Variants in MCTP1 observed in about 807,000 individuals in gnomAD.
MCTP1 encodes the protein multiple C2 and transmembrane domain containing 1.
In MCTP1, 69 loss-of-function variants were observed where a neutral mutation model predicts 120.6. The ratio of observed to expected loss-of-function variants is 0.57; its 90% CI spans 0.47 to 0.70. The LOEUF is 0.70. Ranked by LOEUF, MCTP1 falls within the 30% of genes least tolerant of loss-of-function variation. The pLI is 0.00. For missense variants in MCTP1, 1,203 were observed against 1,248.8 expected, an observed-to-expected ratio of 0.96 and a Z score of 0.55; for synonymous variants, 529 against 493.1, an observed-to-expected ratio of 1.07 and a Z score of -0.96.
intron 17 of MCTP1, among the ~76,000 whole-genome samples, chr5:94,817,427 CAA>C (rs1784698208): frequency 6.6e-6 from 1 of 151,904 alleles, no homozygotes; most frequent in South Asian, 2.1e-4. Flanking sequence ...AACAAACAAA[CAA>C]ACAAACAAAC....
intron 3 of MCTP1, among the ~76,000 whole-genome samples, chr5:94,945,317 C>T (rs913725786): frequency 2.0e-5 from 3 of 152,110 alleles, no homozygotes; most frequent in Admixed American, 6.6e-5. Context: ...TTTAAAACAA[C>T]AAATTCACCT....
chr5:94,948,582 G>A (rs1482097360), intron 3 of MCTP1, among the ~76,000 whole-genome samples: 1 of 152,090 alleles, frequency 6.6e-6, no homozygotes, highest in Admixed American at 6.5e-5. Flanking sequence ...CTTGGTTTGG[G>A]TGCTCTATGG....
chr5:95,094,615 T>C (rs1756085822), intron 1 of MCTP1, among the ~76,000 whole-genome samples: 1 of 152,208 alleles, frequency 6.6e-6, no homozygotes, highest in Non-Finnish European at 1.5e-5. Flanking sequence ...AAAACACCTT[T>C]GACTAAGGAA....
chr5:95,103,087 TAAC>T (rs1291857234), intron 1 of MCTP1, among the ~76,000 whole-genome samples: 1 of 151,944 alleles, frequency 6.6e-6, no homozygotes, highest in African/African-American at 2.4e-5. Context: ...AATATATACT[TAAC>T]AAAGACTGTT....
Position 95,089,538 on chromosome 5 carries a change from C to T in MCTP1, c.721-72054G>A, listed in dbSNP as rs117595265. On this transcript the variant is annotated intron_variant, in intron 1 of 22. Coordinates refer to ENST00000515393, the MANE Select transcript of MCTP1 (RefSeq NM_024717.7). Reference sequence around the variant, plus strand: ...ATTGGGTAAAAATAACACCTTATGACTCATATTTTAAATGTGAAGCGAAGT... The same window carrying T: ...ATTGGGTAAAAATAACACCTTATGATTCATATTTTAAATGTGAAGCGAAGT... Among the ~76,000 whole-genome samples, 46 of 152,222 alleles carry T rather than the reference C, an allele frequency of 3.0e-4. No homozygotes were observed. In the East Asian group the frequency reaches 6.8e-3, roughly 22 times the overall value.
In MCTP1 at chr5:95,017,445, G is replaced by A. The variant is rs922235415; in HGVS notation, c.760C>T (p.Pro254Ser). The part of the protein sequence containing the change: ...NTAGTSNAEV[P>S]LADPGMYQLD... ...TGGTACATTCCGGGATCAGCCAAGG[G>A]GACTTCTGCATTACTGGTTCCAGCA... Residue 254 changes from proline to serine, a missense_variant, in exon 2 of 23, where the codon CCC (proline) becomes TCC (serine). Coordinates refer to ENST00000515393, the MANE Select transcript of MCTP1 (RefSeq NM_024717.7). 6.2e-7 allele frequency: 1 copy of A among 1,609,720 alleles called. No individual in the cohort carries two copies. The highest frequency in any genetic ancestry group is 8.5e-7 in the Non-Finnish European group (1 of 1,177,464).
chr5:95,079,166 G>C (rs73140034), intron 1 of MCTP1, among the ~76,000 whole-genome samples: 14 of 151,970 alleles, frequency 9.2e-5, no homozygotes, highest in Admixed American at 7.2e-4. Flanking sequence ...TTTATCTCAG[G>C]GGGGATAAGC....
intron 1 of MCTP1, among the ~76,000 whole-genome samples, chr5:95,262,855 T>C (rs1758581650): frequency 6.6e-6 from 1 of 152,222 alleles, no homozygotes; most frequent in Admixed American, 6.5e-5. Context: ...TTATTCTATA[T>C]ACTACATTAA....
intron 18 of MCTP1, among the ~76,000 whole-genome samples, chr5:94,787,640 G>A (rs1484421484): frequency 5.4e-5 from 8 of 146,828 alleles, no homozygotes; most frequent in Non-Finnish European, 1.0e-4. Flanking sequence ...TTTTTGAGAC[G>A]GCGTCTCCCT....
intron 19 of MCTP1, among the ~76,000 whole-genome samples, chr5:94,751,439 A>C (rs1768286898): frequency 6.6e-6 from 1 of 151,636 alleles, no homozygotes; most frequent in South Asian, 2.1e-4. Context: ...CATGAAGAAA[A>C]AAAATTCTAA....
intron 18 of MCTP1, among the ~76,000 whole-genome samples, chr5:94,796,467 C>A (rs1780024569): frequency 6.6e-6 from 1 of 151,026 alleles, no homozygotes; most frequent in African/African-American, 2.4e-5. Flanking sequence ...CGGGAAAATA[C>A]CATACTTCCA....
chr5:94,755,422 C>G (rs528805885), intron 19 of MCTP1, among the ~76,000 whole-genome samples: 1 of 152,248 alleles, frequency 6.6e-6, no homozygotes, highest in South Asian at 2.1e-4. Flanking sequence ...CTCTCTTTCC[C>G]CGCTTCAGAA....
chr5:95,141,135 TC>T lies in MCTP1; in HGVS notation c.721-123652del, dbSNP rs376792132. Among the ~76,000 whole-genome samples the T allele has an allele frequency of 4.3e-3, 648 of 152,316 alleles. 2 individuals are homozygous for T. The highest frequency in any genetic ancestry group is 0.015 in the African/African-American group (620 of 41,572). On this transcript the variant is annotated intron_variant, in intron 1 of 22. Coordinates refer to ENST00000515393, the MANE Select transcript of MCTP1 (RefSeq NM_024717.7). ...GGGTTATACTGATTTGAAACTTTTTTCACTTCAGCTTACTCAGGCTTATTAA... is the reference window on the plus strand; with the variant it reads ...GGGTTATACTGATTTGAAACTTTTTTACTTCAGCTTACTCAGGCTTATTAA...
At position 95,284,572 on chromosome 5, in the gene MCTP1, C is replaced by T. The variant is rs961409379; in HGVS notation, c.4G>A (p.Glu2Lys). The T allele has an allele frequency of 2.1e-6, 3 of 1,429,860 alleles. No individual in the cohort carries two copies. Among genetic ancestry groups the T allele is most frequent in the Non-Finnish European group, 2.7e-6 (3 of 1,105,040 alleles). The allele number at this position is 1,429,860 out of a possible 1,614,324, so 88.6% of individuals were successfully genotyped here. The change falls in exon 1 of 23, where the codon GAG becomes AAG. Residue 2 changes from glutamate (E) to lysine (K), a missense_variant. Physicochemically the swap from Glu to Lys is moderately conservative, Grantham distance 56. Around this residue, in one of 2 missense-constraint regions of MCTP1, gnomAD observed 463 missense variants for 377.8 expected, o/e 1.23. Transcript: ENST00000515393. The surrounding 1 kb of genome is among the most constrained non-coding windows in gnomAD (Gnocchi z 5.2). M[E>K]PRAAAAGEPE... ...TCGCCCGCCGCGGCAGCCCGGGGCT[C>T]CATCCTCCACCCCCTGCTCCTCCTC...
intron 1 of MCTP1, among the ~76,000 whole-genome samples, chr5:95,271,435 A>G (rs1759384835): frequency 6.8e-6 from 1 of 147,172 alleles, no homozygotes; most frequent in Non-Finnish European, 1.5e-5. Context: ...TATTTTTATG[A>G]TCCTAAAAGT....
At chr5:95,004,538 C>T (rs763457352) in intron 2 of MCTP1, among the ~76,000 whole-genome samples, 1 of 152,184 alleles carries the variant, frequency 6.6e-6, no homozygotes, top group African/African-American at 2.4e-5. Context: ...GGGGCCAGAC[C>T]CAGGGCCCTG....
intron 17 of MCTP1, among the ~76,000 whole-genome samples, chr5:94,852,548 GCTAT>G (rs1793958018): frequency 6.6e-6 from 1 of 151,776 alleles, no homozygotes; most frequent in Non-Finnish European, 1.5e-5. Flanking sequence ...TTATCCTAAG[GCTAT>G]CTATCAAAAT....
intron 1 of MCTP1, among the ~76,000 whole-genome samples, chr5:95,212,855 G>A (rs1452825901): frequency 6.6e-6 from 1 of 152,070 alleles, no homozygotes; most frequent in African/African-American, 2.4e-5. Context: ...GTATTCACGG[G>A]ACGTATCTCA....
chr5:94,846,328 G>T (rs1792346684), intron 17 of MCTP1, among the ~76,000 whole-genome samples: 1 of 152,070 alleles, frequency 6.6e-6, no homozygotes, highest in Non-Finnish European at 1.5e-5. Context: ...TCCATACAAA[G>T]AATGAGATCA....
Sources: gnomAD v4.1 joint callset for allele counts (sites outside exome capture counted in the v4.1 genomes callset) on GRCh38, gnomAD v4.1.1 for gene constraint, gnomAD v4.1.1 regional missense constraint, Gnocchi (gnomAD v3.1) non-coding constraint, MANE v1.5 for transcripts, NCBI Gene and HGNC (gene_info 2026-07-23, HGNC 2026-07-21) for gene names.